CYFIP2: variants seen among roughly 807,000 people sequenced by gnomAD.
CYFIP2 encodes cytoplasmic FMR1-interacting protein 2.
A neutral mutation model predicts 158.7 loss-of-function variants in CYFIP2; 29 were observed. The observed-to-expected ratio is 0.18, with a 90% CI of 0.14 to 0.25. The LOEUF (loss-of-function observed/expected upper bound fraction) is 0.25, where lower values mean the gene tolerates loss of function less well. CYFIP2 is among the 10% of genes least tolerant of loss of function. CYFIP2 has a pLI of 1.00. For missense variants in CYFIP2, 852 were observed against 1,639.5 expected, an observed-to-expected ratio of 0.52 and a Z score of 8.29; for synonymous variants, 585 against 617.6, an observed-to-expected ratio of 0.95 and a Z score of 0.78.
chr5:157,334,966 G>A (rs1188920911), intron 21 of CYFIP2, among the ~76,000 whole-genome samples: 5 of 152,232 alleles, frequency 3.3e-5, no homozygotes, highest in Admixed American at 3.3e-4. Context: ...TGGGGAAGCT[G>A]GGTAAAGGAT....
At chr5:157,270,705 G>A (rs1257796304) in intron 1 of CYFIP2, among the ~76,000 whole-genome samples, 2 of 152,208 alleles carry the variant, frequency 1.3e-5, no homozygotes, top group African/African-American at 4.8e-5. Context: ...GAAACTATAC[G>A]ACAGAAGGAT....
At chr5:157,268,278 A>C (rs1755781857) in intron 1 of CYFIP2, among the ~76,000 whole-genome samples, 1 of 152,228 alleles carries the variant, frequency 6.6e-6, no homozygotes, top group South Asian at 2.1e-4. Context: ...CTGGAAAATG[A>C]AAAAGGAAAA....
intron 26 of CYFIP2, chr5:157,364,266 A>G: frequency 6.7e-6 from 1 of 150,074 alleles, no homozygotes; most frequent in Non-Finnish European, 1.5e-5. Context: ...ACCTCTTTTC[A>G]TGAGGAACTG....
intron 28 of CYFIP2, among the ~76,000 whole-genome samples, chr5:157,387,542 G>A (rs188253802): frequency 1.3e-5 from 2 of 152,196 alleles, no homozygotes; most frequent in African/African-American, 2.4e-5. Context: ...ACAAATTGGG[G>A]TCTTTTATTT....
At chr5:157,364,583 A>G (rs1047105302) in intron 26 of CYFIP2, 2 of 152,410 alleles carry the variant, frequency 1.3e-5, no homozygotes, top group African/African-American at 4.8e-5. Context: ...CAGGTTTCCA[A>G]TATTGATCCC....
chr5:157,324,448 G>C (rs1415048815), intron 16 of CYFIP2, among the ~76,000 whole-genome samples: 1 of 152,202 alleles, frequency 6.6e-6, no homozygotes, highest in Admixed American at 6.5e-5. Flanking sequence ...GGAGGCTCTC[G>C]AGCTGCATCC....
intron 3 of CYFIP2, among the ~76,000 whole-genome samples, chr5:157,292,932 T>G (rs1316868590): frequency 6.6e-6 from 1 of 152,154 alleles, no homozygotes; most frequent in South Asian, 2.1e-4. Flanking sequence ...AACAGATGAC[T>G]AAGTGGAGAA....
chr5:157,280,580 A>G (rs1756919757), intron 1 of CYFIP2, among the ~76,000 whole-genome samples: 1 of 152,082 alleles, frequency 6.6e-6, no homozygotes, highest in African/African-American at 2.4e-5. Context: ...TACAGGAGAA[A>G]AAAAGGGAAG....
rs1763816111 is a variant in CYFIP2 at position 157,361,408 on chromosome 5, T to C, written c.2909-60T>C. 1.2e-6 allele frequency: 2 copies of C among 1,609,304 alleles called. No individual in the cohort carries two copies. Among genetic ancestry groups the C allele is most frequent in the Non-Finnish European group, 1.7e-6 (2 of 1,177,808 alleles). On this transcript the variant is annotated intron_variant, in intron 25 of 30. Transcript: ENST00000620254. The surrounding 1 kb of genome is among the most constrained non-coding windows in gnomAD (Gnocchi z 4.4). ...CTGGGGCTGCCACTCAGTCATTGTT[T>C]CCCATAGACCCTACTGAGCAGTGTC...
chr5:157,363,618 GAGGCAGCC>G (rs1764054171), intron 26 of CYFIP2: 2 of 152,612 alleles, frequency 1.3e-5, no homozygotes, highest in African/African-American at 4.8e-5. Context: ...GCCGTGGAGG[GAGGCAGCC>G]AGGCAGCAGG....
At chr5:157,296,579 G>T (rs1162790309) in intron 4 of CYFIP2, 94 bp from the exon 5 acceptor site, 18 of 1,176,026 alleles carry the variant, frequency 1.5e-5, no homozygotes, top group Non-Finnish European at 2.1e-5. Context: ...GGACAACAGA[G>T]CAAGACCCTG....
At chr5:157,291,542 A>T (rs1365561616) in intron 3 of CYFIP2, among the ~76,000 whole-genome samples, 1 of 152,244 alleles carries the variant, frequency 6.6e-6, no homozygotes, top group East Asian at 1.9e-4. Context: ...ATGAGTCGGA[A>T]TTAACACCCG....
At chr5:157,390,780 C>T in intron 30 of CYFIP2, 112 bp downstream of exon 30, 1 of 1,498,766 alleles carries the variant, frequency 6.7e-7, no homozygotes, top group East Asian at 2.5e-5. Context: ...CCCCACACGG[C>T]AAGTACAAAG....
At chr5:157,345,423 C>G (rs1762607068) in intron 23 of CYFIP2, 1 of 152,606 alleles carries the variant, frequency 6.6e-6, no homozygotes. Flanking sequence ...TTTTCTTCCT[C>G]TGTTTCCGTT....
At chr5:157,321,288 G>A (rs1760572393) in intron 15 of CYFIP2, among the ~76,000 whole-genome samples, 1 of 152,214 alleles carries the variant, frequency 6.6e-6, no homozygotes, top group Non-Finnish European at 1.5e-5. Flanking sequence ...TCTGAGCTCT[G>A]ATTATCTTCT....
In CYFIP2 at chr5:157,285,358, A is replaced by G. The variant is rs1173843455; in HGVS notation, c.-4A>G. On this transcript the variant is annotated 5_prime_UTR_variant, in exon 2 of 31. Coordinates refer to ENST00000620254, the MANE Select transcript of CYFIP2 (RefSeq NM_001037333.3). ...CTTCAGTGCAGAATACAGAAACTGC[A>G]GCCATGACCACGCACGTCACCCTGG... The G allele has an allele frequency of 6.4e-7, 1 of 1,560,248 alleles. No homozygotes were observed. Among genetic ancestry groups the G allele is most frequent in the African/African-American group, 1.4e-5 (1 of 73,504 alleles).
At chr5:157,274,106 G>A (rs139388975) in intron 1 of CYFIP2, among the ~76,000 whole-genome samples, 23 of 150,526 alleles carry the variant, frequency 1.5e-4, no homozygotes, top group African/African-American at 4.6e-4. Flanking sequence ...CTCCAGCCTG[G>A]GGAACAAGAG....
intron 1 of CYFIP2, among the ~76,000 whole-genome samples, chr5:157,275,294 A>G (rs1756457372): frequency 6.6e-6 from 1 of 152,188 alleles, no homozygotes; most frequent in African/African-American, 2.4e-5. Context: ...TAGCTCTTAC[A>G]TAGATCTTTG....
At position 157,347,530 on chromosome 5, in the gene CYFIP2, T is replaced by C. The variant is rs183591316; in HGVS notation, c.2673+6373T>C. Among the ~76,000 whole-genome samples the C allele has an allele frequency of 7.9e-5, 12 of 152,200 alleles. No individual in the cohort carries two copies. The East Asian group carries it at 1.5e-3, about 20-fold the overall frequency. ...CCCATGCGAGCACAGCCAGGTCAAG[T>C]GCTAATGGTGAGTCCCCACGGAGCA... On this transcript the variant is annotated intron_variant, in intron 23 of 30. Transcript: ENST00000620254.
Sources: gnomAD v4.1 joint callset for allele counts (sites outside exome capture counted in the v4.1 genomes callset) on GRCh38, gnomAD v4.1.1 for gene constraint, Gnocchi (gnomAD v3.1) non-coding constraint, MANE v1.5 for transcripts, NCBI Gene and HGNC (gene_info 2026-07-23, HGNC 2026-07-21) for gene names.